PRDM16: variants seen among roughly 807,000 people sequenced by gnomAD.
The protein encoded by PRDM16 is histone-lysine N-methyltransferase PRDM16.
A neutral mutation model predicts 110.6 loss-of-function variants in PRDM16; 23 were observed. That is an observed-to-expected ratio of 0.21 (90% CI 0.15 to 0.29). PRDM16 has a LOEUF of 0.29. Among genes scored for constraint, PRDM16 ranks in the 10% least tolerant of loss-of-function variants. PRDM16 has a pLI of 1.00. For synonymous variants in PRDM16, 799 were observed against 781.8 expected (o/e 1.02, Z -0.37); for missense variants, 1,615 against 1,794.3 (o/e 0.90, Z 1.81).
intron 3 of PRDM16, among the ~76,000 whole-genome samples, chr1:3,248,946 G>A (rs1354850298): frequency 3.9e-5 from 6 of 152,184 alleles, no homozygotes; most frequent in Non-Finnish European, 7.3e-5. Context: ...CCAGGAAGTT[G>A]GGAGCGAGAC....
In PRDM16 at chr1:3,208,744, G is replaced by A. The variant is rs1638811968; in HGVS notation, c.387+22270G>A. 1 of 152,262 alleles carries A rather than the reference G, an allele frequency of 6.6e-6. No individual in the cohort carries two copies. Among genetic ancestry groups the A allele is most frequent in the African/African-American group, 2.4e-5 (1 of 41,448 alleles). 9.4% of individuals were successfully genotyped at this position (152,262 alleles called of 1,614,324 possible). On this transcript the variant is annotated intron_variant, in intron 2 of 16. Coordinates refer to ENST00000270722, the MANE Select transcript of PRDM16 (RefSeq NM_022114.4). The surrounding 1 kb of genome is among the most constrained non-coding windows in gnomAD (Gnocchi z 6.1). ...CCGCCAGGTGTCTGCCTGGGCAGCAGAGTTGCTGTAATGGAGAGCCACTGG... is the reference window on the plus strand; with the variant it reads ...CCGCCAGGTGTCTGCCTGGGCAGCAAAGTTGCTGTAATGGAGAGCCACTGG...
chr1:3,388,765 G>A (rs781022937), intron 4 of PRDM16, among the ~76,000 whole-genome samples: 6 of 152,216 alleles, frequency 3.9e-5, no homozygotes, highest in Non-Finnish European at 8.8e-5. Context: ...TCCTTGGGGT[G>A]AGACCCACAC....
chr1:3,212,695 CTCTG>C (rs1638925799), intron 2 of PRDM16, among the ~76,000 whole-genome samples: 22 of 151,764 alleles, frequency 1.4e-4, no homozygotes, highest in East Asian at 5.8e-4. Flanking sequence ...CTGCGGTCCT[CTCTG>C]CCACTGTGGA....
intron 3 of PRDM16, among the ~76,000 whole-genome samples, chr1:3,305,294 C>T (rs185204016): frequency 1.3e-5 from 2 of 152,248 alleles, no homozygotes; most frequent in Non-Finnish European, 2.9e-5. Context: ...GGGAACCACA[C>T]GTGCAGAGTC....
rs1569590058 is a variant in PRDM16, at chr1:3,114,524, ACG to A, written c.37+45230_37+45231del. Among the ~76,000 whole-genome samples, 11 of 152,090 alleles carry A rather than the reference ACG, an allele frequency of 7.2e-5. No individual in the cohort carries two copies. In the South Asian group the frequency reaches 2.3e-3, roughly 32 times the overall value. On this transcript the variant is annotated intron_variant, in intron 1 of 16. Transcript: ENST00000270722. Reference sequence around the variant, plus strand: ...CGCGCATGCACACACACATGAACACACGCACACATGCACACATGAACACACAC... The same window carrying A: ...CGCGCATGCACACACACATGAACACACACACATGCACACATGAACACACAC...
chr1:3,431,317 CA>C (rs1283898039), intron 15 of PRDM16, among the ~76,000 whole-genome samples: 1 of 152,018 alleles, frequency 6.6e-6, no homozygotes, highest in African/African-American at 2.4e-5. Flanking sequence ...CACCCACCCC[CA>C]GGGGCCCTGG....
chr1:3,173,075 T>C (rs1198183712), intron 1 of PRDM16, among the ~76,000 whole-genome samples: 1 of 152,148 alleles, frequency 6.6e-6, no homozygotes, highest in African/African-American at 2.4e-5. Context: ...AGTGAAGGGT[T>C]AAGGAGAGGC....
At chr1:3,123,782 C>CCAGTGG (rs1387746220) in intron 1 of PRDM16, among the ~76,000 whole-genome samples, 3 of 152,246 alleles carry the variant, frequency 2.0e-5, no homozygotes, top group Admixed American at 6.5e-5. Flanking sequence ...GGGCATTGCC[C>CCAGTGG]CAGTGGCGAG....
chr1:3,287,012 C>T (rs1640860133), intron 3 of PRDM16, among the ~76,000 whole-genome samples: 1 of 152,168 alleles, frequency 6.6e-6, no homozygotes, highest in Admixed American at 6.5e-5. Context: ...GCCCACCCTT[C>T]CTGGGTGCTG....
At chr1:3,415,318 G>A (rs929517051) in intron 10 of PRDM16, among the ~76,000 whole-genome samples, 1 of 152,242 alleles carries the variant, frequency 6.6e-6, no homozygotes, top group African/African-American at 2.4e-5. Context: ...TGGGAGCCTG[G>A]CCCCTTCCGC....
At chr1:3,188,713 T>C (rs1223259151) in intron 2 of PRDM16, among the ~76,000 whole-genome samples, 2 of 152,140 alleles carry the variant, frequency 1.3e-5, no homozygotes, top group East Asian at 3.9e-4. Context: ...GGGACCACCT[T>C]TGAGTTTTGT....
intron 1 of PRDM16, among the ~76,000 whole-genome samples, chr1:3,095,362 G>T (rs909124698): frequency 6.8e-6 from 1 of 147,198 alleles, no homozygotes; most frequent in African/African-American, 2.7e-5. Context: ...GCTGGGTGCC[G>T]CTGGGGTGCC....
At position 3,201,010 on chromosome 1, in the gene PRDM16, G is replaced by A. The variant is rs1474743293; in HGVS notation, c.387+14536G>A. 3.3e-5 allele frequency among the ~76,000 whole-genome samples: 5 copies of A among 152,046 alleles called. No individual in the cohort carries two copies. The highest frequency in any genetic ancestry group is 1.3e-4 in the Admixed American group (2 of 15,274). On this transcript the variant is annotated intron_variant, in intron 2 of 16. Coordinates refer to ENST00000270722, the MANE Select transcript of PRDM16 (RefSeq NM_022114.4). The surrounding 1 kb of genome is among the most constrained non-coding windows in gnomAD (Gnocchi z 4.1). The stretch of plus-strand genomic sequence containing the variant: ...GGGGGAGGAAGGGGAAGAGGAGGAG[G>A]ACAGCTGAGAGCTGTGAGTCCAGGG...
rs1334683934 is a variant in PRDM16 at position 3,244,185 on chromosome 1, G to A, written c.438+48G>A. 5 of 1,587,116 alleles carry A rather than the reference G, an allele frequency of 3.2e-6. No individual in the cohort carries two copies. Among genetic ancestry groups the A allele is most frequent in the East Asian group, 2.2e-5 (1 of 44,696 alleles). The stretch of plus-strand genomic sequence containing the variant: ...GTCTCAGCTCCCCAGCGTCCTCGGA[G>A]CTCCTGGCGGGGCGACCGCCATCCC... On this transcript the variant is annotated intron_variant, in intron 3 of 16. Coordinates refer to ENST00000270722, the MANE Select transcript of PRDM16 (RefSeq NM_022114.4). This position sits in a 1 kb window ranked among gnomAD's most constrained non-coding sequence, Gnocchi z 4.1.
rs1433002320 is a variant in PRDM16, at chr1:3,265,378, C to T, written c.438+21241C>T. 6.6e-6 allele frequency among the ~76,000 whole-genome samples: 1 copy of T among 151,950 alleles called. No homozygotes were observed. The highest frequency in any genetic ancestry group is 1.5e-5 in the Non-Finnish European group (1 of 67,962). On this transcript the variant is annotated intron_variant, in intron 3 of 16. Transcript: ENST00000270722. This position sits in a 1 kb window ranked among gnomAD's most constrained non-coding sequence, Gnocchi z 4.5. ...CTGCTAGGCACAGCTCATGGGGAGGCCTGACGGGCCTGAGACTGATGATGT... is the reference window on the plus strand; with the variant it reads ...CTGCTAGGCACAGCTCATGGGGAGGTCTGACGGGCCTGAGACTGATGATGT...
In PRDM16 at chr1:3,181,654, A is replaced by G. The variant is rs1238730369; in HGVS notation, c.38-4471A>G. The stretch of plus-strand genomic sequence containing the variant: ...TGCAGTCTTACACACGGTCTTACAC[A>G]CGGTCTTACACAGTCTTACACGCGC... On this transcript the variant is annotated intron_variant, in intron 1 of 16. Coordinates refer to ENST00000270722, the MANE Select transcript of PRDM16 (RefSeq NM_022114.4). Among the ~76,000 whole-genome samples, 33 of 133,944 alleles carry G rather than the reference A, an allele frequency of 2.5e-4. 2 individuals are homozygous for G. Among genetic ancestry groups the G allele is most frequent in the African/African-American group, 8.5e-4 (29 of 34,114 alleles). 87.9% of individuals were successfully genotyped at this position (133,944 alleles called of 152,430 possible).
intron 1 of PRDM16, among the ~76,000 whole-genome samples, chr1:3,087,733 A>G (rs898363021): frequency 1.3e-5 from 2 of 152,118 alleles, no homozygotes; most frequent in African/African-American, 4.8e-5. Context: ...CTCTTTTCAA[A>G]AATCACGTCT....
intron 3 of PRDM16, among the ~76,000 whole-genome samples, chr1:3,248,384 A>C (rs1180961989): frequency 6.6e-6 from 1 of 152,166 alleles, no homozygotes; most frequent in Non-Finnish European, 1.5e-5. Flanking sequence ...ACACAAACAA[A>C]AGGAAGTGAC....
At chr1:3,114,215 A>G (rs1029350707) in intron 1 of PRDM16, among the ~76,000 whole-genome samples, 7 of 128,832 alleles carry the variant, frequency 5.4e-5, no homozygotes, top group Non-Finnish European at 1.1e-4. Context: ...ACACACGCAC[A>G]CGAACACACA....
Sources: allele counts gnomAD v4.1 joint callset (sites outside exome capture counted in the v4.1 genomes callset), GRCh38; gene constraint gnomAD v4.1.1; non-coding constraint Gnocchi (gnomAD v3.1); transcripts MANE v1.5; gene names NCBI Gene and HGNC (gene_info 2026-07-23, HGNC 2026-07-21).